The following RBFOX1 variants were observed in gnomAD, a reference collection of about 807,000 sequenced individuals.
RBFOX1 encodes RNA binding protein fox-1 homolog 1.
A neutral mutation model predicts 57.7 loss-of-function variants in RBFOX1; 8 were observed. The observed-to-expected ratio is 0.14, with a 90% confidence interval of 0.08 to 0.25. The LOEUF (loss-of-function observed/expected upper bound fraction) is 0.25, where lower values mean the gene tolerates loss of function less well. Among genes scored for constraint, RBFOX1 ranks in the 10% least tolerant of loss-of-function variants. The pLI is 1.00. For synonymous variants in RBFOX1, 326 were observed against 222.4 expected (o/e 1.47, Z -4.15); for missense variants, 611 against 548.5 (o/e 1.11, Z -1.14).
chr16:7,504,748 TA>T (rs1567554286), intron 4 of RBFOX1, among the ~76,000 whole-genome samples: 139 of 13,420 alleles, frequency 0.01, 13 homozygotes, highest in African/African-American at 0.026. Flanking sequence ...TATATATATA[TA>T]TATATTTATA....
chr16:6,139,227 C>A (rs1045839224), intron 1 of RBFOX1, among the ~76,000 whole-genome samples: 2 of 152,094 alleles, frequency 1.3e-5, no homozygotes, highest in African/African-American at 4.8e-5. Flanking sequence ...CCACTGAAAT[C>A]AGTAGTTTTC....
At chr16:6,492,829 A>G (rs147103935) in intron 2 of RBFOX1, among the ~76,000 whole-genome samples, 1 of 152,300 alleles carries the variant, frequency 6.6e-6, no homozygotes, top group African/African-American at 2.4e-5. Context: ...GAAGAGCCCA[A>G]AACTCAGAAA....
chr16:6,128,428 G>A (rs1318175615), intron 1 of RBFOX1, among the ~76,000 whole-genome samples: 2 of 152,146 alleles, frequency 1.3e-5, no homozygotes, highest in Non-Finnish European at 2.9e-5. Flanking sequence ...CTCTTTTTAA[G>A]CATTGATCAA....
chr16:6,899,457 ATTGG>A (rs1442900305), intron 3 of RBFOX1, among the ~76,000 whole-genome samples: 1 of 152,132 alleles, frequency 6.6e-6, no homozygotes, highest in African/African-American at 2.4e-5. Context: ...GTTTACGGCC[ATTGG>A]TTGGTCTGTC....
At chr16:7,664,793 T>C in intron 12 of RBFOX1, 136 bp from the exon 13 acceptor site, 1 of 1,533,240 alleles carries the variant, frequency 6.5e-7, no homozygotes, top group South Asian at 1.2e-5. Flanking sequence ...ACCTCCTTAA[T>C]CCAATGTGAA....
intron 1 of RBFOX1, among the ~76,000 whole-genome samples, chr16:5,431,233 C>T (rs935489086): frequency 1.3e-5 from 2 of 152,160 alleles, no homozygotes; most frequent in African/African-American, 4.8e-5. Flanking sequence ...AATAGCCTTT[C>T]GTAAAGTTCT....
At chr16:5,516,453 CCT>C (rs1430844630) in intron 2 of RBFOX1, among the ~76,000 whole-genome samples, 1 of 152,178 alleles carries the variant, frequency 6.6e-6, no homozygotes, top group African/African-American at 2.4e-5. Context: ...AGTTACTTGA[CCT>C]CTCTAAGTCT....
intron 4 of RBFOX1, among the ~76,000 whole-genome samples, chr16:7,128,254 C>CCTTTTTGTTGAGTCCTTTT (rs2069143259): frequency 1.3e-5 from 2 of 152,186 alleles, no homozygotes; most frequent in Non-Finnish European, 2.9e-5. Context: ...TATATGAACT[C>CCTTTTTGTTGAGTCCTTTT]TGTTATTTCC....
At chr16:5,741,921 C>G (rs539203748) in intron 3 of RBFOX1, among the ~76,000 whole-genome samples, 2 of 152,112 alleles carry the variant, frequency 1.3e-5, no homozygotes, top group African/African-American at 4.8e-5. Flanking sequence ...TATGGTAGTT[C>G]CAGTATGTAG....
intron 5 of RBFOX1, among the ~76,000 whole-genome samples, chr16:7,547,080 C>A (rs2084768277): frequency 1.3e-5 from 2 of 152,008 alleles, no homozygotes; most frequent in African/African-American, 4.8e-5. Flanking sequence ...AGCATTATCT[C>A]AGAGTGATTT....
intron 2 of RBFOX1, among the ~76,000 whole-genome samples, chr16:6,535,791 C>A (rs1001341107): frequency 6.6e-6 from 1 of 152,184 alleles, no homozygotes; most frequent in African/African-American, 2.4e-5. Context: ...TTTAATTAGT[C>A]ACTGCCTATT....
At chr16:7,286,212 C>T (rs1277505092) in intron 4 of RBFOX1, among the ~76,000 whole-genome samples, 1 of 152,074 alleles carries the variant, frequency 6.6e-6, no homozygotes, top group Non-Finnish European at 1.5e-5. Context: ...GGAGTAAGCT[C>T]TAATAGGTAA....
In RBFOX1 at chr16:5,586,789, G is replaced by T. The variant is rs1449200891; in HGVS notation, c.259-12113G>T. Among the ~76,000 whole-genome samples, 7 of 152,208 alleles carry T rather than the reference G, an allele frequency of 4.6e-5. No individual in the cohort carries two copies. The South Asian group carries it at 6.2e-4, about 14-fold the overall frequency. ...TGGGATTACAAGTGTAAGCCACCATGGCTGGCCCCCATTACCCCCAGTTTT... is the reference window on the plus strand; with the variant it reads ...TGGGATTACAAGTGTAAGCCACCATTGCTGGCCCCCATTACCCCCAGTTTT... On this transcript the variant is annotated intron_variant, in intron 2 of 2. Coordinates refer to the RBFOX1 transcript ENST00000585867.
chr16:7,039,474 C>T (rs80075126), intron 3 of RBFOX1, among the ~76,000 whole-genome samples: 2,456 of 152,252 alleles, frequency 0.016, 72 homozygotes, highest in African/African-American at 0.056. Flanking sequence ...GAATCAAGTT[C>T]ATTAATCATG....
intron 1 of RBFOX1, among the ~76,000 whole-genome samples, chr16:6,103,745 C>T (rs530411281): frequency 7.9e-5 from 12 of 152,226 alleles, no homozygotes; most frequent in Non-Finnish European, 1.2e-4. Context: ...ACCTGCATGC[C>T]ATTGGCCAGA....
intron 3 of RBFOX1, among the ~76,000 whole-genome samples, chr16:5,775,984 C>A (rs145418486): frequency 6.6e-6 from 1 of 152,240 alleles, no homozygotes; most frequent in African/African-American, 2.4e-5. Flanking sequence ...GCGATGAGCT[C>A]TACATCACCT....
intron 2 of RBFOX1, among the ~76,000 whole-genome samples, chr16:6,435,302 G>GTTTTGTTTTTGTTTTTGTTTTTGT (rs6145736): frequency 6.6e-5 from 10 of 151,268 alleles, no homozygotes; most frequent in African/African-American, 2.2e-4. Flanking sequence ...GTTGTTTTTT[G>GTTTTGTTTTTGTTTTTGTTTTTGT]TTTTGTTTTT....
intron 1 of RBFOX1, among the ~76,000 whole-genome samples, chr16:6,036,940 A>G (rs1327737656): frequency 6.6e-6 from 1 of 152,188 alleles, no homozygotes; most frequent in African/African-American, 2.4e-5. Flanking sequence ...AGGCAAGGAA[A>G]AAGGATACTA....
intron 3 of RBFOX1, among the ~76,000 whole-genome samples, chr16:6,796,660 C>G (rs186787751): frequency 6.6e-6 from 1 of 152,230 alleles, no homozygotes. Flanking sequence ...TCTTGTAATT[C>G]TTAAATATGT....
Sources: gnomAD v4.1 joint callset for allele counts (sites outside exome capture counted in the v4.1 genomes callset) on GRCh38, gnomAD v4.1.1 for gene constraint, MANE v1.5 for transcripts, NCBI Gene and HGNC (gene_info 2026-07-23, HGNC 2026-07-21) for gene names.